Variants in POLK observed in about 807,000 individuals in gnomAD.
The protein encoded by POLK is DNA polymerase kappa, also known as polymerase (DNA directed) kappa.
Under a neutral mutation model 94.0 loss-of-function variants are expected in POLK, and 76 were observed. The observed-to-expected ratio is 0.81, with a 90% CI of 0.67 to 0.98. POLK has a LOEUF of 0.98. Among genes scored for constraint, POLK ranks in the 50% least tolerant of loss-of-function variants. The pLI is 0.00. For missense variants in POLK, 954 were observed against 1,010.1 expected (o/e 0.94, Z 0.75); for synonymous variants, 349 against 325.4 (o/e 1.07, Z -0.78).
Position 75,600,393 on chromosome 5 carries a change from G to A in POLK, c.*2375G>A, listed in dbSNP as rs888901333. On this transcript the variant is annotated 3_prime_UTR_variant, in exon 15 of 15. Coordinates refer to ENST00000241436, the Ensembl canonical transcript of POLK. ...TCACTGTGGAAAAATTTGTCCCTCA[G>A]TAAATTTAAAGATAAACATGCTCAA... The A allele has an allele frequency of 9.9e-5, 15 of 152,282 alleles. No individual in the cohort carries two copies. The South Asian group carries it at 3.1e-3, about 32-fold the overall frequency. The allele number at this position is 152,282 out of a possible 1,614,324, so 9.4% of individuals were successfully genotyped here. A position where few individuals can be genotyped will look rare whatever the true frequency, so the allele number is the denominator to read the frequency against.
intron 1 of POLK, among the ~76,000 whole-genome samples, chr5:75,514,055 G>C (rs1366859820): frequency 1.3e-5 from 2 of 151,838 alleles, no homozygotes; most frequent in Non-Finnish European, 2.9e-5. Context: ...AGTCAAATAA[G>C]TTGAAAAAAT....
downstream of POLK, among the ~76,000 whole-genome samples, chr5:75,606,006 AT>A (rs1773416498): frequency 7.7e-6 from 1 of 129,978 alleles, no homozygotes; most frequent in East Asian, 2.2e-4. Flanking sequence ...CTTAGTATTT[AT>A]TGATCATCTG....
At chr5:75,590,319 G>A (rs374198178) in intron 10 of POLK, 25 bp from the exon 11 acceptor site, 44 of 1,345,282 alleles carry the variant, frequency 3.3e-5, no homozygotes, top group African/African-American at 2.8e-4. Context: ...TACTTTGTGC[G>A]CCAAAATTAT....
At chr5:75,600,837 A>C (rs1773281113) in exon 15 of POLK, 1 of 152,226 alleles carries the variant, frequency 6.6e-6, no homozygotes, top group African/African-American at 2.4e-5. Context: ...TATAAAGTTT[A>C]AAACAGTATA....
chr5:75,511,331 G>C (rs1249931773), upstream of POLK: 61 of 1,546,950 alleles, frequency 3.9e-5, no homozygotes, highest in Non-Finnish European at 4.6e-5. Flanking sequence ...CCGGTGTGGG[G>C]GGGAGCAGGA....
chr5:75,554,887 T>C (rs544231964), intron 3 of POLK, among the ~76,000 whole-genome samples: 1 of 152,346 alleles, frequency 6.6e-6, no homozygotes, highest in East Asian at 1.9e-4. Flanking sequence ...TACACAATTT[T>C]CTTTATCCAG....
chr5:75,586,423 G>C (rs1334129116), intron 9 of POLK, among the ~76,000 whole-genome samples: 1 of 152,012 alleles, frequency 6.6e-6, no homozygotes, highest in Non-Finnish European at 1.5e-5. Context: ...AATCATAATA[G>C]GTTCACTAAA....
At chr5:75,597,993 A>G in exon 15 of POLK, 1 of 1,393,528 alleles carries the variant, frequency 7.2e-7, no homozygotes, top group Non-Finnish European at 9.8e-7. Flanking sequence ...AATCCCAAAC[A>G]TACCCTTGAT....
At chr5:75,564,804 G>A (rs2112732918) in intron 3 of POLK, among the ~76,000 whole-genome samples, 1 of 152,276 alleles carries the variant, frequency 6.6e-6, no homozygotes, top group South Asian at 2.1e-4. Flanking sequence ...CTCTCTGGCT[G>A]CCCTTAACAT....
the POLK span, among the ~76,000 whole-genome samples, chr5:75,608,530 T>C: frequency 6.6e-6 from 1 of 152,144 alleles, no homozygotes; most frequent in Non-Finnish European, 1.5e-5. Flanking sequence ...TTTATGAAGT[T>C]TACATTCTAG....
intron 10 of POLK, 73 bp downstream of exon 10, chr5:75,587,131 G>A: frequency 2.3e-6 from 2 of 872,658 alleles, no homozygotes; most frequent in South Asian, 1.7e-5. Context: ...TTAATTTTTA[G>A]TAAATATCAC....
chr5:75,568,622 A>G (rs1189191836), intron 3 of POLK: 5 of 410,108 alleles, frequency 1.2e-5, no homozygotes, highest in Non-Finnish European at 1.4e-5. Context: ...TGACATATAT[A>G]TTAAAGTTCA....
intron 12 of POLK, among the ~76,000 whole-genome samples, 185 bp from the exon 13 acceptor site, chr5:75,596,037 T>C (rs1375622129): frequency 2.0e-5 from 3 of 152,256 alleles, no homozygotes; most frequent in African/African-American, 7.2e-5. Flanking sequence ...ATAGTTAATA[T>C]TTAATGATAT....
At chr5:75,586,702 G>T (rs912611500) in intron 9 of POLK, among the ~76,000 whole-genome samples, 2 of 152,142 alleles carry the variant, frequency 1.3e-5, no homozygotes, top group Non-Finnish European at 2.9e-5. Context: ...GTAACTGGAA[G>T]ATATTACGCT....
chr5:75,512,095 G>T (rs1768057741), intron 1 of POLK, 181 bp downstream of exon 1: 1 of 302,166 alleles, frequency 3.3e-6, no homozygotes, highest in Non-Finnish European at 6.2e-6. Flanking sequence ...TGAAGATGAC[G>T]GGCCTGCTTT....
At chr5:75,534,441 T>C (rs1407336057) in intron 1 of POLK, among the ~76,000 whole-genome samples, 1 of 152,178 alleles carries the variant, frequency 6.6e-6, no homozygotes, top group Non-Finnish European at 1.5e-5. Flanking sequence ...TTTCATATAA[T>C]GGCATTTGGT....
rs1233790999 is a variant in POLK, at chr5:75,581,346, C to T, written c.832C>T (p.Gln278Ter). ...GAACTTTGAAGAACAAAACAATCCTCAAATACTCCAAAACTCAGTTGTTTT... is the reference window on the plus strand; with the variant it reads ...GAACTTTGAAGAACAAAACAATCCTTAAATACTCCAAAACTCAGTTGTTTT... Residue 278 changes from glutamine to a stop codon, truncating the protein, a stop_gained, in exon 7 of 15, where the codon CAA becomes TAA. Coordinates refer to ENST00000241436, the Ensembl canonical transcript of POLK. LOFTEE classifies it high-confidence loss of function. 6.2e-7 allele frequency: 1 copy of T among 1,613,882 alleles called. No individual in the cohort carries two copies. The highest frequency in any genetic ancestry group is 1.7e-5 in the Admixed American group (1 of 60,022).
chr5:75,527,508 C>T (rs973786830), intron 1 of POLK, among the ~76,000 whole-genome samples: 36 of 128,704 alleles, frequency 2.8e-4, no homozygotes, highest in African/African-American at 6.5e-4. Flanking sequence ...TATATACACA[C>T]ACACACACAC....
intron 1 of POLK, among the ~76,000 whole-genome samples, chr5:75,546,153 G>A (rs1770008880): frequency 6.6e-6 from 1 of 152,018 alleles, no homozygotes. Context: ...ATTGTAAACT[G>A]GAAGCCTTAC....
Sources: allele counts gnomAD v4.1 joint callset (sites outside exome capture counted in the v4.1 genomes callset), GRCh38; gene constraint gnomAD v4.1.1; transcripts MANE v1.5; gene names NCBI Gene and HGNC (gene_info 2026-07-23, HGNC 2026-07-21).